RBFOX1: variants seen among roughly 807,000 people sequenced by gnomAD.
The protein encoded by RBFOX1 is RNA binding fox-1 homolog 1, also known as RNA binding protein fox-1 homolog 1.
Under a neutral mutation model 57.7 loss-of-function variants are expected in RBFOX1, and 8 were observed. That is an observed-to-expected ratio of 0.14 (90% CI 0.08 to 0.25). RBFOX1 has a LOEUF of 0.25. Among genes scored for constraint, RBFOX1 ranks in the 10% least tolerant of loss-of-function variants. The pLI, the probability that RBFOX1 is intolerant of heterozygous loss-of-function variation, is 1.00. For missense variants in RBFOX1, 611 were observed against 548.5 expected (o/e 1.11, Z -1.14); for synonymous variants, 326 against 222.4 (o/e 1.47, Z -4.15).
chr16:7,484,585 C>G (rs1204567882), intron 4 of RBFOX1, among the ~76,000 whole-genome samples: 2 of 152,166 alleles, frequency 1.3e-5, no homozygotes, highest in African/African-American at 4.8e-5. Flanking sequence ...ACCTCAGCCT[C>G]TTGAGTAGCT....
At chr16:7,309,806 G>C (rs1316343642) in intron 4 of RBFOX1, among the ~76,000 whole-genome samples, 1 of 152,206 alleles carries the variant, frequency 6.6e-6, no homozygotes, top group Non-Finnish European at 1.5e-5. Context: ...TGCCTAAGGG[G>C]GTTGGGTGAT....
intron 1 of RBFOX1, among the ~76,000 whole-genome samples, chr16:5,462,000 G>T (rs1425157949): frequency 1.3e-5 from 2 of 152,036 alleles, no homozygotes; most frequent in African/African-American, 4.8e-5. Context: ...CACCAGAAAG[G>T]TGGCACCAAT....
At chr16:6,954,456 A>G (rs1369918700) in intron 3 of RBFOX1, among the ~76,000 whole-genome samples, 1 of 152,224 alleles carries the variant, frequency 6.6e-6, no homozygotes, top group Admixed American at 6.6e-5. Context: ...ATTGTCAAGC[A>G]GGAACAAAAC....
chr16:6,576,454 CATA>C (rs1567743071), intron 2 of RBFOX1, among the ~76,000 whole-genome samples: 1 of 152,182 alleles, frequency 6.6e-6, no homozygotes, highest in Non-Finnish European at 1.5e-5. Context: ...AACATTGTAA[CATA>C]ATATTATTCG....
chr16:7,187,507 G>A (rs1567623943), intron 4 of RBFOX1, among the ~76,000 whole-genome samples: 1 of 151,294 alleles, frequency 6.6e-6, no homozygotes, highest in Admixed American at 6.6e-5. Context: ...GGCTAACACA[G>A]TGAAACCCCA....
At chr16:7,261,596 A>G (rs527263031) in intron 4 of RBFOX1, among the ~76,000 whole-genome samples, 2 of 152,316 alleles carry the variant, frequency 1.3e-5, no homozygotes, top group East Asian at 3.9e-4. Flanking sequence ...TTCCCTGTGC[A>G]GAGGCAGTAT....
intron 4 of RBFOX1, among the ~76,000 whole-genome samples, chr16:7,151,352 T>C (rs1345368526): frequency 2.0e-5 from 3 of 152,210 alleles, no homozygotes; most frequent in Non-Finnish European, 4.4e-5. Context: ...GTGAGATTTA[T>C]TGGCTCATGA....
intron 5 of RBFOX1, among the ~76,000 whole-genome samples, chr16:7,529,093 G>A (rs958243329): frequency 4.6e-5 from 7 of 151,920 alleles, no homozygotes; most frequent in South Asian, 2.1e-4. Flanking sequence ...ACCCTGTCTC[G>A]ACACAAAAAG....
At chr16:6,862,043 T>A (rs2059118490) in intron 3 of RBFOX1, among the ~76,000 whole-genome samples, 1 of 152,074 alleles carries the variant, frequency 6.6e-6, no homozygotes, top group Admixed American at 6.6e-5. Context: ...CAGTCAATAC[T>A]GTCAGGAAAA....
chr16:6,546,008 G>C (rs2096889804), intron 2 of RBFOX1, among the ~76,000 whole-genome samples: 1 of 152,176 alleles, frequency 6.6e-6, no homozygotes, highest in African/African-American at 2.4e-5. Context: ...AAGAAGAATT[G>C]TCTTGGGCTC....
intron 4 of RBFOX1, among the ~76,000 whole-genome samples, chr16:5,983,185 A>C (rs1007280283): frequency 4.6e-5 from 7 of 152,182 alleles, no homozygotes; most frequent in Non-Finnish European, 8.8e-5. Context: ...CTCCTGTCAG[A>C]GCTGAGAGGC....
Position 7,064,761 on chromosome 16 carries a change from A to C in RBFOX1, c.27+12663A>C, listed in dbSNP as rs111474340. Among the ~76,000 whole-genome samples the C allele has an allele frequency of 1.0e-3, 154 of 152,314 alleles. 3 individuals carry two copies. In the Middle Eastern group the frequency reaches 0.01, roughly 10 times the overall value. On this transcript the variant is annotated intron_variant, in intron 4 of 15. Coordinates refer to ENST00000550418, the MANE Select transcript of RBFOX1 (RefSeq NM_018723.4). ...TACTAAAATCAAAAGCAAATGAACA[A>C]CCAACTAACCAACAAAAAGCCCCCC...
At chr16:7,424,566 T>C (rs570708899) in intron 4 of RBFOX1, among the ~76,000 whole-genome samples, 2 of 152,312 alleles carry the variant, frequency 1.3e-5, no homozygotes, top group South Asian at 4.1e-4. Context: ...GGCCATACGC[T>C]TGAATATGTT....
intron 2 of RBFOX1, among the ~76,000 whole-genome samples, chr16:5,476,037 C>T (rs944803168): frequency 3.9e-5 from 6 of 152,114 alleles, no homozygotes; most frequent in Non-Finnish European, 7.3e-5. Flanking sequence ...GCAGCTCATC[C>T]AGGCTCCTCC....
At chr16:6,972,334 G>T (rs1598773878) in intron 3 of RBFOX1, among the ~76,000 whole-genome samples, 1 of 151,892 alleles carries the variant, frequency 6.6e-6, no homozygotes, top group South Asian at 2.1e-4. Flanking sequence ...TGTATCGGTG[G>T]AATTATACAG....
chr16:7,705,191 C>CATGTGTGCAGGAACGATCA (rs1378475409), intron 14 of RBFOX1, among the ~76,000 whole-genome samples: 2 of 151,790 alleles, frequency 1.3e-5, no homozygotes, highest in African/African-American at 4.8e-5. Context: ...AATGGATTTG[C>CATGTGTGCAGGAACGATCA]ATGTGTGCAG....
At chr16:6,606,569 A>G (rs1374507308) in intron 2 of RBFOX1, among the ~76,000 whole-genome samples, 1 of 151,934 alleles carries the variant, frequency 6.6e-6, no homozygotes, top group Non-Finnish European at 1.5e-5. Context: ...CCCTGTGTCC[A>G]TGTGTTCTCA....
At chr16:5,295,642 C>G (rs569398737) in intron 1 of RBFOX1, among the ~76,000 whole-genome samples, 1 of 152,192 alleles carries the variant, frequency 6.6e-6, no homozygotes, top group Non-Finnish European at 1.5e-5. Context: ...TCTGGCCGCT[C>G]ATGACATGGC....
intron 3 of RBFOX1, among the ~76,000 whole-genome samples, chr16:6,659,321 A>G (rs1399759394): frequency 6.6e-6 from 1 of 152,108 alleles, no homozygotes; most frequent in African/African-American, 2.4e-5. Context: ...CTGCTATAAA[A>G]TTGCATGAAA....
Sources: allele counts gnomAD v4.1 joint callset (sites outside exome capture counted in the v4.1 genomes callset), GRCh38; gene constraint gnomAD v4.1.1; transcripts MANE v1.5; gene names NCBI Gene and HGNC (gene_info 2026-07-23, HGNC 2026-07-21).